HMBOX1: variants seen among roughly 807,000 people sequenced by gnomAD.
HMBOX1 encodes the protein homeobox-containing protein 1.
A neutral mutation model predicts 54.5 loss-of-function variants in HMBOX1; 14 were observed. The ratio of observed to expected loss-of-function variants is 0.26; its 90% CI spans 0.17 to 0.40. The LOEUF is 0.40. HMBOX1 is among the 10% of genes least tolerant of loss of function. The pLI is 1.00. For missense variants in HMBOX1, 332 were observed against 514.4 expected, an observed-to-expected ratio of 0.65 and a Z score of 3.43; for synonymous variants, 160 against 181.0, an observed-to-expected ratio of 0.88 and a Z score of 0.93.
chr8:29,010,690 C>T (rs996204454), intron 5 of HMBOX1, among the ~76,000 whole-genome samples: 1 of 151,974 alleles, frequency 6.6e-6, no homozygotes, highest in Non-Finnish European at 1.5e-5. Context: ...CCACAGTCCT[C>T]ATTATTATAC....
intron 4 of HMBOX1, among the ~76,000 whole-genome samples, chr8:28,992,929 G>A (rs999611396): frequency 3.5e-5 from 5 of 143,802 alleles, no homozygotes; most frequent in African/African-American, 1.3e-4. Context: ...TCTCCTTTCT[G>A]TGTTCCTCAG....
At chr8:29,049,712 C>T (rs1806153488) in intron 9 of HMBOX1, 1 of 234,820 alleles carries the variant, frequency 4.3e-6, no homozygotes, top group Non-Finnish European at 8.2e-6. Flanking sequence ...TGTGGGAGTC[C>T]CTCCTCGACC....
At chr8:29,020,627 C>T (rs1036363353) in intron 6 of HMBOX1, among the ~76,000 whole-genome samples, 13 of 152,078 alleles carry the variant, frequency 8.5e-5, no homozygotes, top group African/African-American at 3.1e-4. Context: ...TGTTACCTGG[C>T]ACAACTAGAA....
chr8:28,955,679 C>T (rs1482142621), intron 1 of HMBOX1, among the ~76,000 whole-genome samples: 3 of 152,018 alleles, frequency 2.0e-5, no homozygotes, highest in Non-Finnish European at 2.9e-5. Flanking sequence ...GGGCTGGGCA[C>T]GGTGGCTCAC....
At chr8:28,946,549 G>A (rs1822492338) in intron 1 of HMBOX1, among the ~76,000 whole-genome samples, 1 of 151,212 alleles carries the variant, frequency 6.6e-6, no homozygotes, top group Admixed American at 6.6e-5. Flanking sequence ...CAGCCTGGGG[G>A]ACAGAGTGAG....
At chr8:29,042,220 C>T (rs1804936034) in intron 6 of HMBOX1, among the ~76,000 whole-genome samples, 1 of 151,778 alleles carries the variant, frequency 6.6e-6, no homozygotes, top group South Asian at 2.1e-4. Flanking sequence ...ATGAGATATG[C>T]AGGAAAGAAA....
chr8:28,967,859 A>G (rs1003543175), intron 2 of HMBOX1, among the ~76,000 whole-genome samples: 1 of 152,202 alleles, frequency 6.6e-6, no homozygotes, highest in Non-Finnish European at 1.5e-5. Context: ...AGACCCTAAC[A>G]TTTGTAGGTG....
At chr8:28,973,117 C>T (rs1384461800) in intron 3 of HMBOX1, among the ~76,000 whole-genome samples, 1 of 152,090 alleles carries the variant, frequency 6.6e-6, no homozygotes, top group Non-Finnish European at 1.5e-5. Flanking sequence ...CCATTGTGTC[C>T]CCCTCTCACG....
At chr8:28,935,009 A>G (rs916839610) in intron 1 of HMBOX1, among the ~76,000 whole-genome samples, 1 of 152,220 alleles carries the variant, frequency 6.6e-6, no homozygotes, top group African/African-American at 2.4e-5. Flanking sequence ...GGGAAAGCAC[A>G]ATAACATTGC....
At chr8:28,896,960 A>G (rs1281992974) in intron 1 of HMBOX1, among the ~76,000 whole-genome samples, 1 of 151,426 alleles carries the variant, frequency 6.6e-6, no homozygotes, top group African/African-American at 2.4e-5. Flanking sequence ...TTGTTATGAG[A>G]ATCTGAATAT....
chr8:28,934,567 T>C (rs1046504949), intron 1 of HMBOX1, among the ~76,000 whole-genome samples: 2 of 152,234 alleles, frequency 1.3e-5, no homozygotes, highest in African/African-American at 4.8e-5. Flanking sequence ...TCCTAAGGGA[T>C]ATGTTTGTAA....
At chr8:29,019,058 G>A in intron 6 of HMBOX1, 145 bp downstream of exon 6, 1 of 633,884 alleles carries the variant, frequency 1.6e-6, no homozygotes, top group Non-Finnish European at 2.7e-6. Context: ...CATAAATGCT[G>A]TATTATAGAA....
intron 5 of HMBOX1, among the ~76,000 whole-genome samples, chr8:29,017,157 G>T (rs1835154648): frequency 6.6e-6 from 1 of 152,188 alleles, no homozygotes; most frequent in African/African-American, 2.4e-5. Flanking sequence ...AGACCCTGGG[G>T]ACTGTCAGAG....
chr8:28,913,787 C>G (rs1181492165), intron 1 of HMBOX1, among the ~76,000 whole-genome samples: 2 of 150,846 alleles, frequency 1.3e-5, no homozygotes, highest in African/African-American at 4.9e-5. Flanking sequence ...AAGTCTCACT[C>G]TGTCGCCCAG....
intron 4 of HMBOX1, among the ~76,000 whole-genome samples, chr8:28,999,681 T>A (rs2132702429): frequency 6.6e-6 from 1 of 152,266 alleles, no homozygotes; most frequent in East Asian, 1.9e-4. Flanking sequence ...TCCTTTTAGA[T>A]AATTTTTCAT....
intron 4 of HMBOX1, among the ~76,000 whole-genome samples, chr8:29,002,221 C>T (rs755754954): frequency 1.3e-5 from 2 of 152,134 alleles, no homozygotes; most frequent in Non-Finnish European, 2.9e-5. Flanking sequence ...TTCTCTGTCA[C>T]GTGGATCTCT....
At chr8:28,939,327 A>G (rs1327692074) in intron 1 of HMBOX1, among the ~76,000 whole-genome samples, 3 of 151,698 alleles carry the variant, frequency 2.0e-5, no homozygotes, top group African/African-American at 7.3e-5. Context: ...ACAAAACATG[A>G]TATCACCCTC....
At chr8:28,905,029 A>C (rs916842999) in intron 1 of HMBOX1, among the ~76,000 whole-genome samples, 1 of 152,188 alleles carries the variant, frequency 6.6e-6, no homozygotes, top group Non-Finnish European at 1.5e-5. Context: ...CCACAGTTGC[A>C]AGAACACCTT....
At chr8:28,973,821 T>G (rs995340938) in intron 3 of HMBOX1, among the ~76,000 whole-genome samples, 2 of 133,180 alleles carry the variant, frequency 1.5e-5, no homozygotes, top group African/African-American at 6.1e-5. Flanking sequence ...TTTTTTTTTT[T>G]TTTTTTTTTT....
Sources: gnomAD v4.1 joint callset for allele counts (sites outside exome capture counted in the v4.1 genomes callset) on GRCh38, gnomAD v4.1.1 for gene constraint, MANE v1.5 for transcripts, NCBI Gene and HGNC (gene_info 2026-07-23, HGNC 2026-07-21) for gene names.